The following SH3BGR variants were observed in gnomAD, a reference collection of about 807,000 sequenced individuals.
The protein encoded by SH3BGR is SH3 domain binding glutamate rich protein.
In SH3BGR, 29 loss-of-function variants were observed where a neutral mutation model predicts 24.5. The ratio of observed to expected loss-of-function variants is 1.18; its 90% CI spans 0.88 to 1.61. SH3BGR has a LOEUF of 1.61. Among genes scored for constraint, SH3BGR ranks in the 40% most tolerant of loss-of-function variants. The pLI is 0.00. For missense variants in SH3BGR, 162 were observed against 205.8 expected, an observed-to-expected ratio of 0.79 and a Z score of 1.30; for synonymous variants, 55 against 65.7, an observed-to-expected ratio of 0.84 and a Z score of 0.79.
chr21:39,459,009 A>G lies in SH3BGR; in HGVS notation c.46-3366A>G, dbSNP rs188664536. 6.9e-3 allele frequency among the ~76,000 whole-genome samples: 1,039 copies of G among 151,190 alleles called. 6 individuals are homozygous for G. Among genetic ancestry groups the G allele is most frequent in the African/African-American group, 0.023 (966 of 41,236 alleles). On this transcript the variant is annotated intron_variant, in intron 1 of 6. Transcript: ENST00000333634. ...TGCCTCAGTATCCTGAGTGTATTCTATATCCATATTGTACCAATTAGTTCT... is the reference window on the plus strand; with the variant it reads ...TGCCTCAGTATCCTGAGTGTATTCTGTATCCATATTGTACCAATTAGTTCT...
intron 6 of SH3BGR, among the ~76,000 whole-genome samples, chr21:39,512,104 C>G (rs1396761402): frequency 6.6e-6 from 1 of 152,212 alleles, no homozygotes; most frequent in Non-Finnish European, 1.5e-5. Flanking sequence ...TTTGCATTTA[C>G]TTCCTCCTCT....
intron 4 of SH3BGR, among the ~76,000 whole-genome samples, chr21:39,508,109 G>A (rs1347353861): frequency 6.6e-6 from 1 of 152,150 alleles, no homozygotes; most frequent in Non-Finnish European, 1.5e-5. Flanking sequence ...TATAAACATG[G>A]TGCTGGGTAG....
upstream of SH3BGR, among the ~76,000 whole-genome samples, chr21:39,448,582 C>T (rs1056567847): frequency 6.6e-6 from 1 of 152,012 alleles, no homozygotes. Flanking sequence ...ATGTCCTACT[C>T]GGGAGGCTGA....
chr21:39,499,780 T>C (rs1254095405), intron 3 of SH3BGR, 43 bp from the exon 4 acceptor site: 3 of 1,464,684 alleles, frequency 2.0e-6, no homozygotes, highest in Admixed American at 2.0e-5. Context: ...TTTTTTCTTT[T>C]TTCTGTTTTT....
intron 3 of SH3BGR, chr21:39,491,745 C>A: frequency 4.5e-6 from 1 of 223,760 alleles, no homozygotes; most frequent in South Asian, 7.5e-5. Context: ...TTAGAAATGT[C>A]CCTGACTGCT....
chr21:39,484,798 G>T (rs1274693727), intron 3 of SH3BGR, among the ~76,000 whole-genome samples: 1 of 152,156 alleles, frequency 6.6e-6, no homozygotes, highest in African/African-American at 2.4e-5. Context: ...TAGGTTGATA[G>T]GTGTTTATAC....
chr21:39,467,831 C>T (rs979928304), intron 2 of SH3BGR, among the ~76,000 whole-genome samples: 2 of 152,104 alleles, frequency 1.3e-5, no homozygotes, highest in East Asian at 1.9e-4. Context: ...CCTTCCTGCC[C>T]CTGCCAGTTT....
intron 3 of SH3BGR, among the ~76,000 whole-genome samples, chr21:39,480,097 A>G (rs553286477): frequency 2.0e-5 from 3 of 152,258 alleles, no homozygotes; most frequent in African/African-American, 7.2e-5. Context: ...TTCTTTCCAT[A>G]TGTTGGTTAA....
intron 3 of SH3BGR, among the ~76,000 whole-genome samples, chr21:39,499,501 C>T (rs1240622943): frequency 6.6e-6 from 1 of 152,148 alleles, no homozygotes; most frequent in Non-Finnish European, 1.5e-5. Flanking sequence ...ATAAGCCTCC[C>T]TCCATACAAG....
chr21:39,505,856 C>G (rs1424129332), intron 4 of SH3BGR, among the ~76,000 whole-genome samples: 1 of 152,146 alleles, frequency 6.6e-6, no homozygotes, highest in Non-Finnish European at 1.5e-5. Flanking sequence ...CTACTGCCCC[C>G]CAGGCTAGCT....
intron 1 of SH3BGR, among the ~76,000 whole-genome samples, chr21:39,458,804 G>A (rs577299468): frequency 1.0e-4 from 15 of 150,362 alleles, no homozygotes; most frequent in South Asian, 2.1e-4. Flanking sequence ...GCGCCACCAC[G>A]CCTGGCTCAT....
In SH3BGR at chr21:39,511,259, TATGTGTG is replaced by T. The variant is rs553551524; in HGVS notation, c.436-414_436-408del. On this transcript the variant is annotated intron_variant, in intron 5 of 6. Transcript: ENST00000333634. The surrounding 1 kb of genome is among the most constrained non-coding windows in gnomAD (Gnocchi z 4.2). The stretch of plus-strand genomic sequence containing the variant: ...TTATGGTGTGGAGGGTATGTATGTG[TATGTGTG>T]ATGTGTATGTGTATATTGTGTGTGT... 1.5e-4 allele frequency among the ~76,000 whole-genome samples: 22 copies of T among 150,428 alleles called. No homozygotes were observed. The highest frequency in any genetic ancestry group is 5.1e-4 in the African/African-American group (21 of 41,042).
At chr21:39,514,113 C>A (rs1379550787) in intron 6 of SH3BGR, among the ~76,000 whole-genome samples, 2 of 152,158 alleles carry the variant, frequency 1.3e-5, no homozygotes, top group Non-Finnish European at 2.9e-5. Context: ...GTAAACCAGG[C>A]AGCACCCTAA....
At chr21:39,515,013 T>C in intron 6 of SH3BGR, 75 bp from the exon 7 acceptor site, 1 of 438,014 alleles carries the variant, frequency 2.3e-6, no homozygotes, top group South Asian at 1.7e-5. Flanking sequence ...TATTGTATGT[T>C]AAGTGATGAA....
chr21:39,507,098 C>T (rs1290379868), intron 4 of SH3BGR, among the ~76,000 whole-genome samples: 2 of 152,164 alleles, frequency 1.3e-5, no homozygotes, highest in Admixed American at 1.3e-4. Context: ...ATTATTTGAG[C>T]ACCAAAACTT....
chr21:39,500,794 G>A (rs538388657), intron 4 of SH3BGR, among the ~76,000 whole-genome samples: 51 of 152,252 alleles, frequency 3.3e-4, no homozygotes, highest in Middle Eastern at 3.4e-3. Context: ...GATAGAATGT[G>A]GCTAGAAAGG....
chr21:39,500,002 C>T, intron 4 of SH3BGR, 87 bp downstream of exon 4: 1 of 957,054 alleles, frequency 1.0e-6, no homozygotes, highest in East Asian at 2.4e-5. Context: ...ACTCTGGGCA[C>T]AAGCAGTCAG....
intron 2 of SH3BGR, among the ~76,000 whole-genome samples, chr21:39,467,621 T>C (rs1033019603): frequency 1.3e-5 from 2 of 152,220 alleles, no homozygotes; most frequent in Admixed American, 1.3e-4. Context: ...AAAATAATGT[T>C]AGTCTAGATA....
At chr21:39,486,812 G>T (rs2078219302) in intron 3 of SH3BGR, among the ~76,000 whole-genome samples, 1 of 152,138 alleles carries the variant, frequency 6.6e-6, no homozygotes, top group African/African-American at 2.4e-5. Context: ...CGCCTCCCAA[G>T]TTCAAGCACT....
Sources: allele counts gnomAD v4.1 joint callset (sites outside exome capture counted in the v4.1 genomes callset), GRCh38; gene constraint gnomAD v4.1.1; non-coding constraint Gnocchi (gnomAD v3.1); transcripts MANE v1.5; gene names NCBI Gene and HGNC (gene_info 2026-07-23, HGNC 2026-07-21).